Variants in TRPS1 observed in about 807,000 individuals in gnomAD.
TRPS1 encodes the protein transcriptional repressor GATA binding 1.
Under a neutral mutation model 101.2 loss-of-function variants are expected in TRPS1, and 6 were observed. The ratio of observed to expected loss-of-function variants is 0.06; its 90% CI spans 0.03 to 0.12. The LOEUF (loss-of-function observed/expected upper bound fraction) is 0.12. Among genes scored for constraint, TRPS1 ranks in the 10% least tolerant of loss-of-function variants. The pLI, the probability that TRPS1 is intolerant of heterozygous loss-of-function variation, is 1.00. For missense variants in TRPS1, 1,363 were observed against 1,567.0 expected (o/e 0.87, Z 2.20); for synonymous variants, 578 against 589.8 (o/e 0.98, Z 0.29).
At chr8:115,481,754 T>A (rs1460592395) in intron 5 of TRPS1, among the ~76,000 whole-genome samples, 1 of 152,174 alleles carries the variant, frequency 6.6e-6, no homozygotes, top group Non-Finnish European at 1.5e-5. Flanking sequence ...GAGACAGTCA[T>A]CTGTTTTTCC....
chr8:115,462,461 A>G (rs978668486), intron 5 of TRPS1, among the ~76,000 whole-genome samples: 3 of 152,164 alleles, frequency 2.0e-5, no homozygotes, highest in Non-Finnish European at 2.9e-5. Flanking sequence ...GGAGATGACA[A>G]TGGTATCTAC....
rs761454305 is a variant in TRPS1 at position 115,413,990 on chromosome 8, T to C, written c.*33A>G. Reference sequence around the variant, plus strand: ...CTATTGAATTCCCATCAAGAAAACCTATTTCTATTTAATTGTGCTAAGTGC... The same window carrying C: ...CTATTGAATTCCCATCAAGAAAACCCATTTCTATTTAATTGTGCTAAGTGC... On this transcript the variant is annotated 3_prime_UTR_variant, in exon 7 of 7. Coordinates refer to ENST00000395715, the MANE Select transcript of TRPS1 (RefSeq NM_014112.5). The C allele has an allele frequency of 3.1e-6, 5 of 1,603,208 alleles. No individual in the cohort carries two copies.
In TRPS1 at chr8:115,587,110, C is replaced by G; in HGVS notation, c.2591G>C (p.Gly864Ala). ...PIYGLAVETKGFLQGAPAGGE... is the reference protein window; with the variant it reads ...PIYGLAVETKAFLQGAPAGGE... Reference sequence around the variant, plus strand: ...GCCAGCTGGCGCCCCCTGCAGGAATCCCTTGGTTTCCACAGCCAAGCCATA... The same window carrying G: ...GCCAGCTGGCGCCCCCTGCAGGAATGCCTTGGTTTCCACAGCCAAGCCATA... Residue 864 changes from glycine (G) to alanine (A), a missense_variant, in exon 5 of 7, where the codon GGA becomes GCA. Transcript: ENST00000395715. The G allele has an allele frequency of 6.2e-7, 1 of 1,614,142 alleles. No individual in the cohort carries two copies. The highest frequency in any genetic ancestry group is 8.5e-7 in the Non-Finnish European group (1 of 1,180,018).
chr8:115,668,417 T>C (rs1402605342), intron 1 of TRPS1, 128 bp downstream of exon 1: 1 of 131,524 alleles, frequency 7.6e-6, no homozygotes, highest in Non-Finnish European at 1.6e-5. Flanking sequence ...ATCGCCCACA[T>C]TTTGCGCGCA....
At chr8:115,557,742 G>A (rs916196101) in intron 5 of TRPS1, among the ~76,000 whole-genome samples, 2 of 152,140 alleles carry the variant, frequency 1.3e-5, no homozygotes, top group East Asian at 3.9e-4. Flanking sequence ...ATTGCAAAGT[G>A]AGAATGAACT....
chr8:115,639,689 C>A (rs958745742), intron 1 of TRPS1, among the ~76,000 whole-genome samples: 9 of 150,662 alleles, frequency 6.0e-5, no homozygotes, highest in Admixed American at 4.6e-4. Context: ...ATTAACCAGG[C>A]GTGGTGGCAC....
At chr8:115,510,081 T>C (rs1467101014) in intron 5 of TRPS1, among the ~76,000 whole-genome samples, 1 of 152,006 alleles carries the variant, frequency 6.6e-6, no homozygotes, top group Non-Finnish European at 1.5e-5. Flanking sequence ...CCAATTCTAT[T>C]TCCTAAATGG....
chr8:115,446,225 G>A (rs1385857036), intron 5 of TRPS1, among the ~76,000 whole-genome samples: 3 of 151,484 alleles, frequency 2.0e-5, no homozygotes, highest in Non-Finnish European at 4.4e-5. Context: ...GTGTTTTCAA[G>A]CTTTTTGAAA....
At chr8:115,506,041 A>T (rs1446923107) in intron 5 of TRPS1, among the ~76,000 whole-genome samples, 1 of 152,094 alleles carries the variant, frequency 6.6e-6, no homozygotes, top group Non-Finnish European at 1.5e-5. Flanking sequence ...TTTAATTACC[A>T]TTATTTCTTT....
intron 5 of TRPS1, among the ~76,000 whole-genome samples, chr8:115,558,959 T>C (rs951206099): frequency 5.3e-5 from 8 of 152,184 alleles, no homozygotes; most frequent in Non-Finnish European, 5.9e-5. Flanking sequence ...AGGGGTAACA[T>C]TGCTATCAGA....
chr8:115,464,498 G>C (rs1345038924), intron 5 of TRPS1, among the ~76,000 whole-genome samples: 1 of 152,050 alleles, frequency 6.6e-6, no homozygotes, highest in Non-Finnish European at 1.5e-5. Flanking sequence ...TGTCTCACAA[G>C]GGCACAATAT....
intron 5 of TRPS1, among the ~76,000 whole-genome samples, chr8:115,498,411 CTCTCTATATATA>C (rs1224178245): frequency 2.9e-3 from 208 of 72,594 alleles, no homozygotes; most frequent in African/African-American, 8.8e-3. Flanking sequence ...CTCTCTCTCT[CTCTCTATATATA>C]TATATATATA....
At chr8:115,478,003 C>G (rs912100547) in intron 5 of TRPS1, among the ~76,000 whole-genome samples, 2 of 152,124 alleles carry the variant, frequency 1.3e-5, no homozygotes, top group Non-Finnish European at 2.9e-5. Context: ...CCCTTTCCTT[C>G]CTCTAATACA....
intron 5 of TRPS1, among the ~76,000 whole-genome samples, chr8:115,481,628 A>C (rs151002990): frequency 6.6e-6 from 1 of 152,176 alleles, no homozygotes; most frequent in South Asian, 2.1e-4. Context: ...CAGTGTTTGA[A>C]GAAGCTCCTG....
At chr8:115,599,431 T>G (rs539728762) in intron 4 of TRPS1, among the ~76,000 whole-genome samples, 29 of 152,142 alleles carry the variant, frequency 1.9e-4, no homozygotes, top group South Asian at 6.2e-4. Flanking sequence ...TATCAACCTG[T>G]CATCTAGGTT....
At chr8:115,431,551 G>T in intron 5 of TRPS1, among the ~76,000 whole-genome samples, 2 of 151,826 alleles carry the variant, frequency 1.3e-5, no homozygotes, top group East Asian at 3.9e-4. Context: ...AACTCTGGTG[G>T]TGACTTCCTC....
At chr8:115,586,825 A>G (rs1817569503) in intron 5 of TRPS1, among the ~76,000 whole-genome samples, 176 bp downstream of exon 5, 1 of 152,246 alleles carries the variant, frequency 6.6e-6, no homozygotes, top group South Asian at 2.1e-4. Context: ...TGCACAGCAC[A>G]CACAAACACA....
intron 5 of TRPS1, among the ~76,000 whole-genome samples, chr8:115,494,316 A>G (rs1029987457): frequency 1.3e-5 from 2 of 152,242 alleles, no homozygotes; most frequent in African/African-American, 4.8e-5. Context: ...CAAAGAAAGC[A>G]CAGTAAAGAA....
chr8:115,453,814 G>C, intron 5 of TRPS1, among the ~76,000 whole-genome samples: 1 of 152,326 alleles, frequency 6.6e-6, no homozygotes, highest in African/African-American at 2.4e-5. Flanking sequence ...ACAAATTGCT[G>C]TTGACACAGA....
Sources: gnomAD v4.1 joint callset for allele counts (sites outside exome capture counted in the v4.1 genomes callset) on GRCh38, gnomAD v4.1.1 for gene constraint, MANE v1.5 for transcripts, NCBI Gene and HGNC (gene_info 2026-07-23, HGNC 2026-07-21) for gene names.